The following PDE3B variants were observed in gnomAD, a reference collection of about 807,000 sequenced individuals.
The protein encoded by PDE3B is cGMP-inhibited 3',5'-cyclic phosphodiesterase 3B.
Under a neutral mutation model 116.8 loss-of-function variants are expected in PDE3B, and 66 were observed. That is an observed-to-expected ratio of 0.56 (90% CI 0.46 to 0.69). PDE3B has a LOEUF of 0.69. PDE3B is among the 30% of genes least tolerant of loss of function. The pLI is 0.00. For missense variants in PDE3B, 1,384 were observed against 1,368.1 expected (o/e 1.01, Z -0.18); for synonymous variants, 595 against 533.6 (o/e 1.12, Z -1.59).
intron 14 of PDE3B, 72 bp downstream of exon 14, chr11:14,861,438 A>AAAAACAACATCATTT: frequency 7.2e-7 from 1 of 1,379,944 alleles, no homozygotes; most frequent in African/African-American, 1.4e-5. Flanking sequence ...TGGGTTTTGG[A>AAAAACAACATCATTT]TAGCTTTATT....
rs373393575 is a variant in PDE3B at position 14,859,190 on chromosome 11, A to G, written c.2668A>G (p.Ile890Val). The change falls in exon 13 of 16, where the codon ATC (isoleucine) becomes GTC (valine). Residue 890 changes from isoleucine (I) to valine (V), a missense_variant. This residue lies in a region of PDE3B where 428 missense variants were observed against 561.4 expected (regional missense o/e 0.76). Coordinates refer to ENST00000282096, the MANE Select transcript of PDE3B (RefSeq NM_000922.4). ...CTTTCGTTTTTTAGTCATTGAAGCA[A>G]TCCTTGCTACGGATCTTAAAAAGCA... ...KRFRFLVIEAILATDLKKHFD... is the reference protein window; with the variant it reads ...KRFRFLVIEAVLATDLKKHFD... 1.1e-5 allele frequency: 18 copies of G among 1,613,582 alleles called. No homozygotes were observed. The highest frequency in any genetic ancestry group is 1.6e-4 in the Middle Eastern group (1 of 6,080).
chr11:14,814,642 CA>C (rs1482970939), intron 5 of PDE3B, among the ~76,000 whole-genome samples: 1 of 152,044 alleles, frequency 6.6e-6, no homozygotes, highest in Non-Finnish European at 1.5e-5. Context: ...ACTACATGAA[CA>C]TTAATAACCT....
At chr11:14,728,053 A>G (rs571252443) in intron 1 of PDE3B, among the ~76,000 whole-genome samples, 1 of 152,234 alleles carries the variant, frequency 6.6e-6, no homozygotes, top group African/African-American at 2.4e-5. Context: ...AGAAAGATCT[A>G]TCATACATGC....
chr11:14,646,461 A>AT (rs1160359949), intron 1 of PDE3B, among the ~76,000 whole-genome samples: 4 of 152,184 alleles, frequency 2.6e-5, no homozygotes, highest in African/African-American at 9.7e-5. Flanking sequence ...GTGATAATAG[A>AT]TAGTACTTTA....
chr11:14,661,640 G>A (rs564246014), intron 1 of PDE3B, among the ~76,000 whole-genome samples: 33 of 152,274 alleles, frequency 2.2e-4, no homozygotes, highest in South Asian at 8.3e-4. Context: ...AAAAAACGGC[G>A]CACCACAAGA....
intron 1 of PDE3B, among the ~76,000 whole-genome samples, chr11:14,653,873 C>G (rs1323807302): frequency 6.6e-6 from 1 of 152,010 alleles, no homozygotes; most frequent in Non-Finnish European, 1.5e-5. Flanking sequence ...TGGCGAATGC[C>G]TATAGTCGCA....
chr11:14,885,691 C>T, the PDE3B span: 1 of 1,399,500 alleles, frequency 7.1e-7, no homozygotes, highest in Non-Finnish European at 1.0e-6. Flanking sequence ...ATAAAATAAT[C>T]CCAACTGTAT....
intron 1 of PDE3B, among the ~76,000 whole-genome samples, chr11:14,729,562 G>T (rs1012739958): frequency 3.9e-5 from 6 of 152,100 alleles, no homozygotes; most frequent in African/African-American, 1.4e-4. Flanking sequence ...AAAATGCCAA[G>T]ATTTTATAAT....
At chr11:14,828,404 T>A (rs1859769159) in intron 7 of PDE3B, among the ~76,000 whole-genome samples, 1 of 151,986 alleles carries the variant, frequency 6.6e-6, no homozygotes, top group Non-Finnish European at 1.5e-5. Flanking sequence ...AGGGAGAAAA[T>A]TTTTGCAAAC....
At chr11:14,887,790 A>G in the PDE3B span, 1 of 175,320 alleles carries the variant, frequency 5.7e-6, no homozygotes, top group East Asian at 1.9e-4. Context: ...TCTTCTTCCA[A>G]ACTCCACATC....
chr11:14,672,094 G>T (rs530607088), intron 1 of PDE3B, among the ~76,000 whole-genome samples: 137 of 148,062 alleles, frequency 9.3e-4, no homozygotes, highest in African/African-American at 3.1e-3. Context: ...AGATACTAGT[G>T]TTAAAGTATC....
intron 1 of PDE3B, among the ~76,000 whole-genome samples, chr11:14,665,973 A>G (rs1346993924): frequency 6.6e-6 from 1 of 152,220 alleles, no homozygotes; most frequent in African/African-American, 2.4e-5. Flanking sequence ...CCGCATCGCC[A>G]AGTCAATCCA....
At chr11:14,880,354 A>T in the PDE3B span, 3 of 1,613,242 alleles carry the variant, frequency 1.9e-6, no homozygotes, top group African/African-American at 2.7e-5. Context: ...AGCTTTTTCA[A>T]TGAGTCTGGA....
chr11:14,825,561 T>G (rs967439380), intron 7 of PDE3B, among the ~76,000 whole-genome samples: 3 of 152,100 alleles, frequency 2.0e-5, no homozygotes, highest in African/African-American at 7.2e-5. Context: ...TACATAATGG[T>G]AAAGGGTTCA....
intron 12 of PDE3B, 44 bp from the exon 13 acceptor site, chr11:14,858,999 A>G (rs1555006597): frequency 1.5e-6 from 2 of 1,375,438 alleles, no homozygotes; most frequent in Middle Eastern, 1.8e-4. Context: ...TTAAACTTTA[A>G]TATCTTTGAG....
chr11:14,738,372 A>G (rs1471136630), intron 1 of PDE3B, among the ~76,000 whole-genome samples: 1 of 152,232 alleles, frequency 6.6e-6, no homozygotes, highest in Non-Finnish European at 1.5e-5. Flanking sequence ...ATGACCAGTG[A>G]TGATGAGCTT....
At chr11:14,759,002 T>C (rs1402182278) in intron 1 of PDE3B, among the ~76,000 whole-genome samples, 1 of 152,030 alleles carries the variant, frequency 6.6e-6, no homozygotes, top group African/African-American at 2.4e-5. Context: ...TGTCAAAGGC[T>C]TTTTCTGCAT....
intron 1 of PDE3B, among the ~76,000 whole-genome samples, chr11:14,713,693 TTTACAC>T (rs1855776118): frequency 2.9e-5 from 3 of 103,440 alleles, no homozygotes; most frequent in Non-Finnish European, 5.8e-5. Context: ...ATAAAAAATC[TTTACAC>T]ACACACACAC....
chr11:14,712,269 G>C (rs1855727056), intron 1 of PDE3B, among the ~76,000 whole-genome samples: 1 of 151,608 alleles, frequency 6.6e-6, no homozygotes, highest in Non-Finnish European at 1.5e-5. Flanking sequence ...ATTTTTTGTA[G>C]AGACAGGGTC....
Sources: gnomAD v4.1 joint callset for allele counts (sites outside exome capture counted in the v4.1 genomes callset) on GRCh38, gnomAD v4.1.1 for gene constraint, gnomAD v4.1.1 regional missense constraint, MANE v1.5 for transcripts, NCBI Gene and HGNC (gene_info 2026-07-23, HGNC 2026-07-21) for gene names.